Variants in VKORC1L1 observed in about 807,000 individuals in gnomAD.
VKORC1L1 encodes the protein vitamin K epoxide reductase complex subunit 1L1.
In VKORC1L1, 2 loss-of-function variants were observed where a neutral mutation model predicts 18.9. That is an observed-to-expected ratio of 0.11 (90% CI 0.04 to 0.33). The LOEUF (loss-of-function observed/expected upper bound fraction) is 0.33, where lower values mean the gene tolerates loss of function less well. VKORC1L1 is among the 10% of genes least tolerant of loss of function. The probability of loss-of-function intolerance (pLI) is 1.00; values close to 1 mark genes in which losing one functional copy is unlikely to be tolerated. For missense variants in VKORC1L1, 123 were observed against 224.1 expected (o/e 0.55, Z 2.88); for synonymous variants, 96 against 100.0 (o/e 0.96, Z 0.24).
At chr7:65,871,075 G>A (rs909323994), upstream of VKORC1L1, among the ~76,000 whole-genome samples, 1 of 152,238 alleles carries the variant, frequency 6.6e-6, no homozygotes, top group Non-Finnish European at 1.5e-5. Context: ...CACCTGGGCA[G>A]AGCAAGGATG....
At chr7:65,928,254 CTTT>C (rs760146385) in intron 1 of VKORC1L1, among the ~76,000 whole-genome samples, 1 of 106,208 alleles carries the variant, frequency 9.4e-6, no homozygotes, top group African/African-American at 3.5e-5. Flanking sequence ...TTTTTTCCTT[CTTT>C]TTTTTTTTTT....
upstream of VKORC1L1, among the ~76,000 whole-genome samples, chr7:65,871,018 T>G (rs1788719275): frequency 6.6e-6 from 1 of 152,186 alleles, no homozygotes. Flanking sequence ...ACTGCTGGCC[T>G]CAAGCAATCC....
chr7:65,910,224 C>G (rs1789481599), intron 1 of VKORC1L1, among the ~76,000 whole-genome samples: 1 of 152,102 alleles, frequency 6.6e-6, no homozygotes. Context: ...TTAATATGAA[C>G]ATTATTTTAA....
intron 1 of VKORC1L1, among the ~76,000 whole-genome samples, chr7:65,879,828 T>C (rs1004064982): frequency 1.5e-4 from 22 of 150,956 alleles, no homozygotes; most frequent in African/African-American, 5.1e-4. Context: ...TTTCCTTTCC[T>C]TTTTTTTTCT....
intron 1 of VKORC1L1, among the ~76,000 whole-genome samples, chr7:65,893,748 CAGT>C (rs1029328138): frequency 2.0e-5 from 3 of 152,108 alleles, no homozygotes; most frequent in African/African-American, 7.2e-5. Flanking sequence ...TTTAGAGTCT[CAGT>C]AGTTTGCAGG....
At chr7:65,922,209 C>T (rs1006320083) in intron 1 of VKORC1L1, among the ~76,000 whole-genome samples, 2 of 151,448 alleles carry the variant, frequency 1.3e-5, no homozygotes, top group African/African-American at 2.4e-5. Flanking sequence ...TAGTCTCCCT[C>T]GTATTTCTCC....
chr7:65,910,276 A>G (rs1397181315), intron 1 of VKORC1L1, among the ~76,000 whole-genome samples: 4 of 152,192 alleles, frequency 2.6e-5, no homozygotes, highest in African/African-American at 9.7e-5. Context: ...AGCACATAAT[A>G]AAGACAATAA....
chr7:65,908,048 G>A (rs190060441), intron 1 of VKORC1L1, among the ~76,000 whole-genome samples: 116 of 152,280 alleles, frequency 7.6e-4, no homozygotes, highest in African/African-American at 2.6e-3. Context: ...CAACTGCTCT[G>A]CTCATGAATA....
rs995573538 is a variant in VKORC1L1 at position 65,921,570 on chromosome 7, C to T, written c.195-27101C>T. 3.3e-5 allele frequency among the ~76,000 whole-genome samples: 5 copies of T among 152,060 alleles called. No individual in the cohort carries two copies. The South Asian group carries it at 6.2e-4, about 19-fold the overall frequency. On this transcript the variant is annotated intron_variant, in intron 1 of 2. Transcript: ENST00000360768. ...TCAACTAATTAAAAAAATTTTTGGC[C>T]GGGCACGATGGCTCACGCCTGCAAT...
At chr7:65,870,595 TATA>T (rs1788714731), upstream of VKORC1L1, among the ~76,000 whole-genome samples, 1 of 152,334 alleles carries the variant, frequency 6.6e-6, no homozygotes, top group East Asian at 1.9e-4. Flanking sequence ...AATGGACTAT[TATA>T]CAGTAATGAA....
chr7:65,872,274 A>C (rs530566833), upstream of VKORC1L1, among the ~76,000 whole-genome samples: 46 of 151,600 alleles, frequency 3.0e-4, no homozygotes, highest in Admixed American at 1.2e-3. Flanking sequence ...AGTTATGGTA[A>C]GCAACTTCAA....
chr7:65,908,296 C>T (rs1484828374), intron 1 of VKORC1L1, among the ~76,000 whole-genome samples: 2 of 152,134 alleles, frequency 1.3e-5, no homozygotes. Context: ...TGCCTGTAAT[C>T]CCAGCTACTT....
intron 1 of VKORC1L1, among the ~76,000 whole-genome samples, chr7:65,947,764 C>A (rs1354282528): frequency 1.3e-5 from 2 of 152,018 alleles, no homozygotes; most frequent in African/African-American, 2.4e-5. Flanking sequence ...AGTCTCGGCC[C>A]ACTGCAACCT....
At chr7:65,870,645 C>G (rs1173745606), upstream of VKORC1L1, among the ~76,000 whole-genome samples, 2 of 152,068 alleles carry the variant, frequency 1.3e-5, no homozygotes, top group Non-Finnish European at 2.9e-5. Flanking sequence ...ATGGGTAAAC[C>G]TCCCAGACCT....
the VKORC1L1 span, among the ~76,000 whole-genome samples, chr7:65,866,218 C>T: frequency 6.6e-6 from 1 of 152,126 alleles, no homozygotes; most frequent in Non-Finnish European, 1.5e-5. Flanking sequence ...TATAAACATT[C>T]ATAGGAGTTA....
intron 1 of VKORC1L1, among the ~76,000 whole-genome samples, chr7:65,905,134 G>A (rs1789384882): frequency 6.6e-6 from 1 of 151,912 alleles, no homozygotes; most frequent in African/African-American, 2.4e-5. Flanking sequence ...AAACAAAATT[G>A]GAATCATGCT....
At chr7:65,871,480 C>T (rs199920120), upstream of VKORC1L1, among the ~76,000 whole-genome samples, 15 of 152,324 alleles carry the variant, frequency 9.8e-5, no homozygotes, top group East Asian at 2.7e-3. Context: ...CAGGTGTGAG[C>T]CACCATGACT....
At chr7:65,943,411 A>G (rs1051483891) in intron 1 of VKORC1L1, among the ~76,000 whole-genome samples, 1 of 152,160 alleles carries the variant, frequency 6.6e-6, no homozygotes, top group Admixed American at 6.5e-5. Flanking sequence ...ATTTTTTTAA[A>G]CTATATATAA....
At chr7:65,899,854 G>A (rs1789279891) in intron 1 of VKORC1L1, among the ~76,000 whole-genome samples, 2 of 151,996 alleles carry the variant, frequency 1.3e-5, no homozygotes, top group Non-Finnish European at 2.9e-5. Context: ...ACAAAAATTA[G>A]CCAGGCGTGG....
Sources: allele counts gnomAD v4.1 joint callset (sites outside exome capture counted in the v4.1 genomes callset), GRCh38; gene constraint gnomAD v4.1.1; transcripts MANE v1.5; gene names NCBI Gene and HGNC (gene_info 2026-07-23, HGNC 2026-07-21).